Variants in LARGE1 observed in about 807,000 individuals in gnomAD.
The protein encoded by LARGE1 is xylosyl- and glucuronyltransferase LARGE1.
LARGE1 carries 43 observed loss-of-function variants against 87.6 expected under a neutral mutation model. That is an observed-to-expected ratio of 0.49 (90% CI 0.38 to 0.63). The LOEUF is 0.63. LARGE1 is among the 30% of genes least tolerant of loss of function. LARGE1 has a pLI of 0.00. For missense variants in LARGE1, 802 were observed against 1,000.2 expected (o/e 0.80, Z 2.67); for synonymous variants, 434 against 394.6 (o/e 1.10, Z -1.18).
At chr22:33,345,545 G>A (rs548291522) in intron 9 of LARGE1, among the ~76,000 whole-genome samples, 1 of 152,354 alleles carries the variant, frequency 6.6e-6, no homozygotes, top group South Asian at 2.1e-4. Context: ...TGGGCTGCAG[G>A]AGCTGCCAAG....
chr22:33,633,412 A>C (rs887964301), intron 3 of LARGE1, among the ~76,000 whole-genome samples: 1 of 152,144 alleles, frequency 6.6e-6, no homozygotes, highest in Non-Finnish European at 1.5e-5. Flanking sequence ...CTCCATGAAA[A>C]CCTGAAACAT....
intron 5 of LARGE1, among the ~76,000 whole-genome samples, chr22:33,566,452 C>T (rs1004844314): frequency 6.6e-6 from 1 of 152,198 alleles, no homozygotes; most frequent in Non-Finnish European, 1.5e-5. Flanking sequence ...AGCAAGACAT[C>T]AAACTGTGTG....
rs183878409 is a variant in LARGE1, at chr22:33,305,565, T to A, written c.1452-1058A>T. 7,822 of 984,794 alleles carry A rather than the reference T, an allele frequency of 7.9e-3. 39 individuals are homozygous for A. The highest frequency in any genetic ancestry group is 0.016 in the Middle Eastern group (31 of 1,912). The allele number at this position is 984,794 out of a possible 1,614,324, so 61.0% of individuals were successfully genotyped here. A position where few individuals can be genotyped will look rare whatever the true frequency, so the allele number is the denominator to read the frequency against. ...AGGTACGTAATCAGCAGTCTCCTGG[T>A]CAGAATGCCCACTTTATTCGGACGA... On this transcript the variant is annotated intron_variant, in intron 11 of 14. Transcript: ENST00000397394.
chr22:33,650,500 G>A lies in LARGE1; in HGVS notation c.275C>T (p.Ser92Phe), dbSNP rs765410725. 3.0e-5 allele frequency: 49 copies of A among 1,613,302 alleles called. No homozygotes were observed. Among genetic ancestry groups the A allele is most frequent in the Non-Finnish European group, 1.7e-6 (2 of 1,180,034 alleles). ...QLSLAQGRAP[S>F]HRRGNHSKTY... ...CTTGGAGTGGTTGCCTCGGCGATGGGATGGGGCTCGGCCCTGGGCCAGGCT... is the reference window on the plus strand; with the variant it reads ...CTTGGAGTGGTTGCCTCGGCGATGGAATGGGGCTCGGCCCTGGGCCAGGCT... The change falls in exon 3 of 15, where the codon TCC becomes TTC. Residue 92 changes from serine (S) to phenylalanine (F), a missense_variant. Ser to Phe is a radical substitution (Grantham distance 155). Around this residue, in one of 2 missense-constraint regions of LARGE1, gnomAD observed 177 missense variants for 158.3 expected, o/e 1.12. Coordinates refer to ENST00000397394, the MANE Select transcript of LARGE1 (RefSeq NM_133642.5).
At chr22:33,134,753 T>C in the LARGE1 span, among the ~76,000 whole-genome samples, 1 of 152,146 alleles carries the variant, frequency 6.6e-6, no homozygotes, top group Non-Finnish European at 1.5e-5. Context: ...TTTTCTCCTT[T>C]TGTTTGGGAA....
At chr22:33,858,862 T>C (rs373005374) in intron 1 of LARGE1, among the ~76,000 whole-genome samples, 1 of 152,096 alleles carries the variant, frequency 6.6e-6, no homozygotes, top group Admixed American at 6.6e-5. Flanking sequence ...TATGCAGCCA[T>C]AAAAAAGGAT....
intron 1 of LARGE1, among the ~76,000 whole-genome samples, chr22:33,868,725 T>C (rs1260486301): frequency 1.3e-5 from 2 of 152,172 alleles, no homozygotes; most frequent in East Asian, 3.9e-4. Flanking sequence ...GCCCACGCCC[T>C]GGTCTGGTCA....
At chr22:33,130,473 G>C in the LARGE1 span, among the ~76,000 whole-genome samples, 26 of 152,054 alleles carry the variant, frequency 1.7e-4, 1 homozygote, top group Middle Eastern at 0.01. Context: ...CTGGGTGACA[G>C]AGCAAGACAC....
At chr22:33,707,337 A>G (rs1196954737) in intron 2 of LARGE1, among the ~76,000 whole-genome samples, 1 of 152,252 alleles carries the variant, frequency 6.6e-6, no homozygotes, top group Non-Finnish European at 1.5e-5. Context: ...TGAATGGGAA[A>G]AACATTCAAC....
At position 33,385,807 on chromosome 22, in the gene LARGE1, G is replaced by A. The variant is rs182366317; in HGVS notation, c.893-1503C>T. 1.6e-4 allele frequency among the ~76,000 whole-genome samples: 24 copies of A among 148,178 alleles called. 2 individuals are homozygous for A. Among genetic ancestry groups the A allele is most frequent in the African/African-American group, 5.1e-4 (21 of 40,876 alleles). On this transcript the variant is annotated intron_variant, in intron 7 of 14. Coordinates refer to ENST00000397394, the MANE Select transcript of LARGE1 (RefSeq NM_133642.5). ...CCCCCAAATCAATCCTCTTCAGGAT[G>A]CTTAGCTCAGCAGAATGGTCAGTGG...
intron 6 of LARGE1, among the ~76,000 whole-genome samples, chr22:33,533,460 T>C (rs1348004858): frequency 6.6e-6 from 1 of 152,098 alleles, no homozygotes; most frequent in Non-Finnish European, 1.5e-5. Flanking sequence ...GCAGGCTGCC[T>C]CGATTGGCAT....
chr22:33,089,692 T>C, the LARGE1 span, among the ~76,000 whole-genome samples: 1 of 151,856 alleles, frequency 6.6e-6, no homozygotes, highest in Non-Finnish European at 1.5e-5. Context: ...AGATGGGGTC[T>C]CACTATGTTG....
chr22:33,318,234 C>CA (rs10635054), intron 10 of LARGE1, among the ~76,000 whole-genome samples: 42,618 of 113,790 alleles, frequency 0.37, 6,702 homozygotes, highest in Non-Finnish European at 0.44. Context: ...GACTCCATCT[C>CA]AAAAAAAAAA....
intron 1 of LARGE1, among the ~76,000 whole-genome samples, chr22:33,795,581 T>C (rs2085953004): frequency 6.6e-6 from 1 of 152,132 alleles, no homozygotes; most frequent in Non-Finnish European, 1.5e-5. Flanking sequence ...TGCGGCACTA[T>C]TCACAATAGC....
intron 6 of LARGE1, among the ~76,000 whole-genome samples, chr22:33,536,278 G>T (rs771958497): frequency 7.9e-5 from 12 of 152,202 alleles, no homozygotes; most frequent in Non-Finnish European, 1.3e-4. Context: ...AGGATTTTAA[G>T]TAGATATGAA....
intron 11 of LARGE1, among the ~76,000 whole-genome samples, chr22:33,237,898 G>A (rs943756223): frequency 2.0e-5 from 3 of 152,228 alleles, no homozygotes; most frequent in Non-Finnish European, 4.4e-5. Context: ...ATAACGCACG[G>A]GAGTACAGTA....
At chr22:33,174,166 T>G (rs1386923537) in intron 11 of LARGE1, among the ~76,000 whole-genome samples, 1 of 152,056 alleles carries the variant, frequency 6.6e-6, no homozygotes, top group African/African-American at 2.4e-5. Flanking sequence ...GCAATCAAAT[T>G]AGAACTCAGG....
At chr22:33,568,895 C>A (rs1224563963) in intron 5 of LARGE1, among the ~76,000 whole-genome samples, 4 of 151,930 alleles carry the variant, frequency 2.6e-5, no homozygotes, top group South Asian at 2.1e-4. Flanking sequence ...TGATGGATGG[C>A]AGGCAGGCAT....
At position 33,429,681 on chromosome 22, in the gene LARGE1, A is replaced by C. The variant is rs567041720; in HGVS notation, c.892+2480T>G. ...TTCTATTATATATTTTGGAAGACAGAAACGAAATGTATACACCAGGGTTTT... is the reference window on the plus strand; with the variant it reads ...TTCTATTATATATTTTGGAAGACAGCAACGAAATGTATACACCAGGGTTTT... On this transcript the variant is annotated intron_variant, in intron 7 of 14. Coordinates refer to ENST00000397394, the MANE Select transcript of LARGE1 (RefSeq NM_133642.5). Among the ~76,000 whole-genome samples, 3 of 152,324 alleles carry C rather than the reference A, an allele frequency of 2.0e-5. No homozygotes were observed. In the South Asian group the frequency reaches 6.2e-4, roughly 32 times the overall value.
Sources: allele counts gnomAD v4.1 joint callset (sites outside exome capture counted in the v4.1 genomes callset), GRCh38; gene constraint gnomAD v4.1.1; regional missense constraint gnomAD v4.1.1; transcripts MANE v1.5; gene names NCBI Gene and HGNC (gene_info 2026-07-23, HGNC 2026-07-21).